KMT2A: variants seen among roughly 807,000 people sequenced by gnomAD.
KMT2A encodes the protein histone-lysine N-methyltransferase 2A.
A neutral mutation model predicts 345.3 loss-of-function variants in KMT2A; 16 were observed. That is an observed-to-expected ratio of 0.05 (90% CI 0.03 to 0.07). KMT2A has a LOEUF of 0.07. Ranked by LOEUF, KMT2A falls within the 10% of genes least tolerant of loss-of-function variation. The pLI is 1.00. For synonymous variants in KMT2A, 1,599 were observed against 1,778.6 expected (o/e 0.90, Z 2.54); for missense variants, 3,272 against 4,841.6 (o/e 0.68, Z 9.62).
rs1950588299 is a variant in KMT2A, at chr11:118,506,605, C to T, written c.10713C>T (p.His3571=). 6.2e-7 allele frequency: 1 copy of T among 1,611,440 alleles called. No homozygotes were observed. Among genetic ancestry groups the T allele is most frequent in the Non-Finnish European group, 8.5e-7 (1 of 1,178,196 alleles). The stretch of plus-strand genomic sequence containing the variant: ...TGCGGACCAGTTCTTCTGAAGCACA[C>T]ATTCCAGACCAAGAAACGACATCCC... ...SHLRTSSSEA[H]IPDQETTSLT... is the part of the protein sequence containing the mutation. The change falls in exon 27 of 36, where the codon CAC becomes CAT. Residue 3571 remains histidine (H), a synonymous_variant. Coordinates refer to ENST00000534358, the MANE Select transcript of KMT2A (RefSeq NM_001197104.2).
intron 1 of KMT2A, among the ~76,000 whole-genome samples, chr11:118,455,732 CTG>C (rs1322859386): frequency 1.3e-5 from 2 of 151,220 alleles, no homozygotes; most frequent in African/African-American, 4.9e-5. Flanking sequence ...GGGTCTCACT[CTG>C]TTATCCAGGC....
Position 118,506,025 on chromosome 11 carries a change from T to G in KMT2A, c.10133T>G (p.Ile3378Ser), listed in dbSNP as rs782761669. 1 of 1,614,200 alleles carries G rather than the reference T, an allele frequency of 6.2e-7. No homozygotes were observed. Among genetic ancestry groups the G allele is most frequent in the South Asian group, 1.1e-5 (1 of 91,086 alleles). ...TNPRLLGTPD[I>S]GSISNLLIKA... is the part of the protein sequence containing the mutation. The stretch of plus-strand genomic sequence containing the variant: ...CCAAGGTTGCTTGGTACCCCAGATA[T>G]TGGCTCAATAAGCAATCTTTTAATC... The change falls in exon 27 of 36, where the codon ATT becomes AGT. Residue 3378 changes from isoleucine (I) to serine (S), a missense_variant. By Grantham distance (142) the Ile-to-Ser change is moderately radical (BLOSUM62 -2). This residue lies in a region of KMT2A where 748 missense variants were observed against 922.2 expected (regional missense o/e 0.81). Transcript: ENST00000534358.
intron 3 of KMT2A, among the ~76,000 whole-genome samples, chr11:118,475,914 C>CT (rs1376820027): frequency 4.4e-4 from 66 of 151,550 alleles, no homozygotes; most frequent in African/African-American, 1.2e-3. Flanking sequence ...TATACTTTCT[C>CT]TTTTTTTTGA....
At position 118,520,795 on chromosome 11, in the gene KMT2A, C is replaced by G. The variant is rs1206358437; in HGVS notation, c.11430-7C>G. 3 of 1,612,068 alleles carry G rather than the reference C, an allele frequency of 1.9e-6. No homozygotes were observed. The highest frequency in any genetic ancestry group is 2.5e-6 in the Non-Finnish European group (3 of 1,178,168). The stretch of plus-strand genomic sequence containing the variant: ...AAAATTCGTTAATAGTATGTCTTAT[C>G]TCTTAGGAGGGCAACTAGCATGGAT... On this transcript the variant is annotated splice_polypyrimidine_tract_variant and splice_region_variant and intron_variant, in intron 33 of 35. Transcript: ENST00000534358. This position sits in a 1 kb window ranked among gnomAD's most constrained non-coding sequence, Gnocchi z 4.3.
chr11:118,519,570 T>C (rs1555052756), intron 31 of KMT2A, 48 bp from the exon 32 acceptor site: 2 of 1,556,224 alleles, frequency 1.3e-6, no homozygotes, highest in Non-Finnish European at 1.8e-6. Context: ...CCATGCTGTT[T>C]CCTGTTGACT....
At chr11:118,440,962 CGTTACTGAACA>C (rs2134168566) in intron 1 of KMT2A, among the ~76,000 whole-genome samples, 1 of 151,900 alleles carries the variant, frequency 6.6e-6, no homozygotes, top group Admixed American at 6.6e-5. Flanking sequence ...CTCTCATCTC[CGTTACTGAACA>C]GTTATGAGAC....
rs554753181 is a variant in KMT2A, at chr11:118,525,651, T to TA, written c.*3487dup. On this transcript the variant is annotated 3_prime_UTR_variant, in exon 36 of 36. Transcript: ENST00000534358. ...AAAAAATACAACACACACACAAAAA[T>TA]AAAAAAAATATTCTAATGAATGTAT... The TA allele has an allele frequency of 8.4e-5, 19 of 225,742 alleles. No individual in the cohort carries two copies. Among genetic ancestry groups the TA allele is most frequent in the Middle Eastern group, 1.3e-3 (1 of 748 alleles). The allele number at this position is 225,742 out of a possible 1,614,324, so 14.0% of individuals were successfully genotyped here. A position where few individuals can be genotyped will look rare whatever the true frequency, so the allele number is the denominator to read the frequency against.
intron 10 of KMT2A, among the ~76,000 whole-genome samples, chr11:118,487,322 T>C (rs1261649200): frequency 1.3e-5 from 2 of 152,194 alleles, no homozygotes; most frequent in African/African-American, 4.8e-5. Context: ...TAGTTGTACA[T>C]AGCAATCTCA....
chr11:118,496,220 C>G lies in KMT2A; in HGVS notation c.5558-41C>G. Reference sequence around the variant, plus strand: ...TCAGACATAGTATTGCCAATTTTAACTGGATCTCAAGGTATTGATGGGAGT... The same window carrying G: ...TCAGACATAGTATTGCCAATTTTAAGTGGATCTCAAGGTATTGATGGGAGT... On this transcript the variant is annotated intron_variant, in intron 19 of 35. Transcript: ENST00000534358. The surrounding 1 kb of genome is among the most constrained non-coding windows in gnomAD (Gnocchi z 4.7). 7.1e-7 allele frequency: 1 copy of G among 1,402,940 alleles called. No individual in the cohort carries two copies. Among genetic ancestry groups the G allele is most frequent in the Non-Finnish European group, 1.0e-6 (1 of 989,826 alleles). The allele number at this position is 1,402,940 out of a possible 1,614,324, so 86.9% of individuals were successfully genotyped here.
Position 118,436,955 on chromosome 11 carries a change from G to A in KMT2A, c.432+11G>A. 1 of 1,471,724 alleles carries A rather than the reference G, an allele frequency of 6.8e-7. No homozygotes were observed. 91.2% of individuals were successfully genotyped at this position (1,471,724 alleles called of 1,614,324 possible). A position where few individuals can be genotyped will look rare whatever the true frequency, so the allele number is the denominator to read the frequency against. ...GGCGGCAGCGGAGAGGTAAGGGGGC[G>A]AGGAACCCCCAGGTCCGGGGTCTCG... On this transcript the variant is annotated intron_variant, in intron 1 of 35. Coordinates refer to ENST00000534358, the MANE Select transcript of KMT2A (RefSeq NM_001197104.2). This position sits in a 1 kb window ranked among gnomAD's most constrained non-coding sequence, Gnocchi z 6.9.
Position 118,505,315 on chromosome 11 carries a change from C to T in KMT2A, c.9423C>T (p.Ser3141=). 2.5e-6 allele frequency: 4 copies of T among 1,614,210 alleles called. No homozygotes were observed. Among genetic ancestry groups the T allele is most frequent in the Non-Finnish European group, 3.4e-6 (4 of 1,180,042 alleles). Residue 3141 remains serine, a synonymous_variant, in exon 27 of 36, where the codon AGC becomes AGT. Coordinates refer to ENST00000534358, the MANE Select transcript of KMT2A (RefSeq NM_001197104.2). The surrounding 1 kb of genome is among the most constrained non-coding windows in gnomAD (Gnocchi z 4.6). The stretch of plus-strand genomic sequence containing the variant: ...CCCTTACCACAGGACTAAATCCAAG[C>T]TTGCCAACTTCTCAATCTTTGTTCC... ...GLTLTTGLNP[S]LPTSQSLFPS...
chr11:118,524,576 A>T lies in KMT2A; in HGVS notation c.*2404A>T, dbSNP rs1292008992. The T allele has an allele frequency of 1.1e-5, 2 of 181,552 alleles. No individual in the cohort carries two copies. The highest frequency in any genetic ancestry group is 2.4e-5 in the Non-Finnish European group (2 of 84,994). The allele number at this position is 181,552 out of a possible 1,614,324, so 11.2% of individuals were successfully genotyped here. On this transcript the variant is annotated 3_prime_UTR_variant, in exon 36 of 36. Coordinates refer to ENST00000534358, the MANE Select transcript of KMT2A (RefSeq NM_001197104.2). ...GGACTGGGAAAAGCACTCTACCCAG[A>T]CCTCACCTCCCTTCCTCCTTTTGCC...
chr11:118,505,614 G>A lies in KMT2A; in HGVS notation c.9722G>A (p.Ser3241Asn), dbSNP rs782345465. ...AAGAATAAAAAACTTGCTCCCTCTA[G>A]TACCCCTTCAAACATTGCCCCTTCT... ...TRKNKKLAPS[S>N]TPSNIAPSDV... Residue 3241 changes from serine (S) to asparagine (N), a missense_variant, in exon 27 of 36, where the codon AGT (serine) becomes AAT (asparagine). By Grantham distance (46) the Ser-to-Asn change is conservative. This residue lies in a region of KMT2A where 748 missense variants were observed against 922.2 expected (regional missense o/e 0.81). Coordinates refer to ENST00000534358, the MANE Select transcript of KMT2A (RefSeq NM_001197104.2). This position sits in a 1 kb window ranked among gnomAD's most constrained non-coding sequence, Gnocchi z 4.6. The A allele has an allele frequency of 1.2e-6, 2 of 1,614,050 alleles. No homozygotes were observed. The highest frequency in any genetic ancestry group is 1.7e-6 in the Non-Finnish European group (2 of 1,180,004).
rs1272734756 is a variant in KMT2A, at chr11:118,504,328, A to C, written c.8436A>C (p.Arg2812Ser). 6.2e-7 allele frequency: 1 copy of C among 1,614,100 alleles called. No individual in the cohort carries two copies. The highest frequency in any genetic ancestry group is 8.5e-7 in the Non-Finnish European group (1 of 1,180,042). Residue 2812 changes from arginine (R) to serine (S), a missense_variant, in exon 27 of 36, where the codon AGA (arginine) becomes AGC (serine). Arg to Ser is a moderately radical substitution (Grantham distance 110). Transcript: ENST00000534358. This position sits in a 1 kb window ranked among gnomAD's most constrained non-coding sequence, Gnocchi z 6.4. ...TCAGCTCATTGGAGTCAAGCCGCAG[A>C]GTCCACACAAGTACCCCCTCCGACA... is the stretch of plus-strand genomic sequence containing the variant. ...AQLSSLESSRRVHTSTPSDKN... is the reference protein window; with the variant it reads ...AQLSSLESSRSVHTSTPSDKN...
Position 118,518,046 on chromosome 11 carries a change from G to A in KMT2A, c.11147-1572G>A, listed in dbSNP as rs189416780. 2.6e-5 allele frequency among the ~76,000 whole-genome samples: 4 copies of A among 152,204 alleles called. No homozygotes were observed. In the East Asian group the frequency reaches 5.8e-4, roughly 22 times the overall value. On this transcript the variant is annotated intron_variant, in intron 31 of 35. Transcript: ENST00000534358. ...TCATAATGCAAACTGTATGTCTGTT[G>A]GAATTGCATATGTGCAATTGCAGTC...
intron 28 of KMT2A, among the ~76,000 whole-genome samples, chr11:118,508,187 ATC>A (rs1950621846): frequency 6.6e-6 from 1 of 152,196 alleles, no homozygotes; most frequent in African/African-American, 2.4e-5. Flanking sequence ...CTATGCAGAC[ATC>A]TCTCTGCATA....
chr11:118,439,767 C>T (rs2134165510), intron 1 of KMT2A, among the ~76,000 whole-genome samples: 2 of 152,268 alleles, frequency 1.3e-5, no homozygotes, highest in Admixed American at 1.3e-4. Flanking sequence ...TGACTCCTTA[C>T]ATTAAACTTG....
chr11:118,452,769 G>A (rs1392921949), intron 1 of KMT2A, among the ~76,000 whole-genome samples: 1 of 152,004 alleles, frequency 6.6e-6, no homozygotes, highest in Non-Finnish European at 1.5e-5. Flanking sequence ...AAGTAGCTGG[G>A]ATTACAGGCG....
chr11:118,488,925 A>G (rs1157381555), intron 11 of KMT2A, among the ~76,000 whole-genome samples, 165 bp downstream of exon 11: 3 of 152,234 alleles, frequency 2.0e-5, no homozygotes, highest in Non-Finnish European at 4.4e-5. Flanking sequence ...TAAACAATAC[A>G]GTATAACAAC....
Sources: gnomAD v4.1 joint callset for allele counts (sites outside exome capture counted in the v4.1 genomes callset) on GRCh38, gnomAD v4.1.1 for gene constraint, gnomAD v4.1.1 regional missense constraint, Gnocchi (gnomAD v3.1) non-coding constraint, MANE v1.5 for transcripts, NCBI Gene and HGNC (gene_info 2026-07-23, HGNC 2026-07-21) for gene names.